Variants in NREP observed in about 807,000 individuals in gnomAD.
NREP encodes neuronal regeneration related protein.
In NREP, 5 loss-of-function variants were observed where a neutral mutation model predicts 8.6. The observed-to-expected ratio is 0.58, with a 90% confidence interval of 0.30 to 1.22. The LOEUF is 1.22. Ranked by LOEUF, NREP falls within the 50% of genes most tolerant of loss-of-function variation. The pLI, the probability that NREP is intolerant of heterozygous loss-of-function variation, is 0.07. For missense variants in NREP, 86 were observed against 82.5 expected (o/e 1.04, Z -0.17); for synonymous variants, 27 against 28.0 (o/e 0.96, Z 0.11).
chr5:111,760,365 A>G (rs1272578455), upstream of NREP, among the ~76,000 whole-genome samples: 1 of 152,190 alleles, frequency 6.6e-6, no homozygotes, highest in Non-Finnish European at 1.5e-5. Context: ...CCCTTGAGTT[A>G]TGTGCACTGC....
In NREP at chr5:111,920,782, A is replaced by AG. The variant is rs1755215387; in HGVS notation, c.135+54491dup. On this transcript the variant is annotated intron_variant, in intron 2 of 3. Transcript: ENST00000395634. Reference sequence around the variant, plus strand: ...TCTTCCTACTGCACATTTATAAAAAAGGCGGGGCAGAACACTACAAAGTGG... The same window carrying AG: ...TCTTCCTACTGCACATTTATAAAAAAGGGCGGGGCAGAACACTACAAAGTGG... Among the ~76,000 whole-genome samples the AG allele has an allele frequency of 3.3e-5, 5 of 152,282 alleles. No individual in the cohort carries two copies. In the South Asian group the frequency reaches 1.0e-3, roughly 32 times the overall value.
At position 111,891,630 on chromosome 5, in the gene NREP, C is replaced by T. The variant is rs115134481; in HGVS notation, c.135+83644G>A. ...TTTAATTGGCTCATGGTTCTATGGA[C>T]TGTATAGAAAGCATAATGCCAGTAT... On this transcript the variant is annotated intron_variant, in intron 2 of 3. Coordinates refer to the NREP transcript ENST00000395634. 9.4e-3 allele frequency among the ~76,000 whole-genome samples: 1,429 copies of T among 152,264 alleles called. 25 individuals carry two copies. Among genetic ancestry groups the T allele is most frequent in the African/African-American group, 0.033 (1,364 of 41,530 alleles).
intron 2 of NREP, among the ~76,000 whole-genome samples, chr5:111,899,641 T>C (rs1754594821): frequency 6.6e-6 from 1 of 152,212 alleles, no homozygotes; most frequent in South Asian, 2.1e-4. Context: ...AATTAAAAGA[T>C]ATAGACTGGT....
intron 2 of NREP, among the ~76,000 whole-genome samples, chr5:111,841,364 T>C (rs1434476786): frequency 6.6e-6 from 1 of 152,170 alleles, no homozygotes; most frequent in Non-Finnish European, 1.5e-5. Context: ...CAGCATTCTT[T>C]CCATCCTTTC....
intron 2 of NREP, among the ~76,000 whole-genome samples, chr5:111,851,838 A>G (rs1372805905): frequency 6.6e-6 from 1 of 152,210 alleles, no homozygotes; most frequent in African/African-American, 2.4e-5. Flanking sequence ...TTTCCATTCC[A>G]TAATGAGCAT....
In NREP at chr5:111,885,299, C is replaced by T. The variant is rs573562544; in HGVS notation, c.135+89975G>A. Among the ~76,000 whole-genome samples, 7 of 151,730 alleles carry T rather than the reference C, an allele frequency of 4.6e-5. No individual in the cohort carries two copies. The South Asian group carries it at 1.3e-3, about 27-fold the overall frequency. ...TGAAGGACCTCTTCAAGGAGAACTA[C>T]AAACCACTGCTCAATGAAATAAAAG... On this transcript the variant is annotated intron_variant, in intron 2 of 3. Coordinates refer to the NREP transcript ENST00000395634.
At chr5:111,814,561 G>A (rs1341600959) in intron 2 of NREP, among the ~76,000 whole-genome samples, 1 of 152,052 alleles carries the variant, frequency 6.6e-6, no homozygotes, top group Non-Finnish European at 1.5e-5. Context: ...AATTTATACT[G>A]TCTGCTATTA....
At chr5:111,750,976 T>C (rs1287046971) in intron 2 of NREP, among the ~76,000 whole-genome samples, 1 of 152,200 alleles carries the variant, frequency 6.6e-6, no homozygotes, top group African/African-American at 2.4e-5. Context: ...AAACTAAAAT[T>C]GCATTCATTT....
intron 2 of NREP, among the ~76,000 whole-genome samples, chr5:111,826,366 G>C (rs1325275655): frequency 1.3e-5 from 2 of 152,174 alleles, no homozygotes; most frequent in Non-Finnish European, 2.9e-5. Flanking sequence ...CTTCAGCACT[G>C]TGGAAGTTTT....
chr5:111,759,052 AC>A (rs1750893830), upstream of NREP, among the ~76,000 whole-genome samples: 1 of 152,204 alleles, frequency 6.6e-6, no homozygotes, highest in Non-Finnish European at 1.5e-5. Flanking sequence ...AATTCCCTTG[AC>A]CCTTTCAGGC....
At chr5:111,743,937 ATAAT>A (rs1378957612) in intron 2 of NREP, among the ~76,000 whole-genome samples, 1 of 152,170 alleles carries the variant, frequency 6.6e-6, no homozygotes, top group African/African-American at 2.4e-5. Flanking sequence ...ACATGAAAGA[ATAAT>A]TATTCAAAAA....
intron 2 of NREP, among the ~76,000 whole-genome samples, chr5:111,890,600 G>C (rs891757245): frequency 2.6e-5 from 4 of 152,206 alleles, no homozygotes; most frequent in African/African-American, 9.6e-5. Context: ...CTAAAATCTA[G>C]GAAGAGGTTC....
intron 2 of NREP, among the ~76,000 whole-genome samples, chr5:111,797,606 G>T (rs1226373517): frequency 1.3e-5 from 2 of 152,188 alleles, no homozygotes; most frequent in African/African-American, 4.8e-5. Flanking sequence ...AAGGCCAGCA[G>T]GGCAGAGGTG....
At chr5:111,814,893 C>T (rs1006666689) in intron 2 of NREP, among the ~76,000 whole-genome samples, 4 of 147,116 alleles carry the variant, frequency 2.7e-5, no homozygotes, top group African/African-American at 7.6e-5. Flanking sequence ...AATAAGGAAG[C>T]GTTGAGGTCA....
At chr5:111,865,001 T>A (rs1753633247) in intron 2 of NREP, among the ~76,000 whole-genome samples, 1 of 152,154 alleles carries the variant, frequency 6.6e-6, no homozygotes, top group Admixed American at 6.6e-5. Context: ...TGTGTGAAAT[T>A]CTGTCTATTA....
intron 2 of NREP, among the ~76,000 whole-genome samples, chr5:111,853,765 G>A (rs1753362901): frequency 6.6e-6 from 1 of 151,964 alleles, no homozygotes; most frequent in African/African-American, 2.4e-5. Context: ...GCAACAGAGG[G>A]TGGTTCCTCC....
At chr5:111,755,749 C>T (rs748912269) in intron 2 of NREP, 21 bp downstream of exon 2, 5 of 1,612,946 alleles carry the variant, frequency 3.1e-6, no homozygotes, top group Non-Finnish European at 4.2e-6. Context: ...CTGAGAATCT[C>T]CTCTGATGAC....
chr5:111,821,360 C>T (rs1159150312), intron 2 of NREP, among the ~76,000 whole-genome samples: 1 of 149,972 alleles, frequency 6.7e-6, no homozygotes, highest in Non-Finnish European at 1.5e-5. Flanking sequence ...TTATCATTCC[C>T]TTCTTTAAAA....
At position 111,938,019 on chromosome 5, in the gene NREP, T is replaced by A. The variant is rs545848821; in HGVS notation, c.135+37255A>T. Among the ~76,000 whole-genome samples the A allele has an allele frequency of 2.6e-5, 4 of 152,178 alleles. No individual in the cohort carries two copies. In the South Asian group the frequency reaches 8.3e-4, roughly 32 times the overall value. On this transcript the variant is annotated intron_variant, in intron 2 of 3. Transcript: ENST00000395634. ...TTGCTCTTGTAATCTAACCTCAGTGTCTGCCTCTCTGCCTTGACTCCATTC... is the reference window on the plus strand; with the variant it reads ...TTGCTCTTGTAATCTAACCTCAGTGACTGCCTCTCTGCCTTGACTCCATTC...
Sources: gnomAD v4.1 joint callset for allele counts (sites outside exome capture counted in the v4.1 genomes callset) on GRCh38, gnomAD v4.1.1 for gene constraint, MANE v1.5 for transcripts, NCBI Gene and HGNC (gene_info 2026-07-23, HGNC 2026-07-21) for gene names.